The following RAD51D variants were observed in gnomAD, a reference collection of about 807,000 sequenced individuals.
RAD51D encodes DNA repair protein RAD51 homolog 4.
Under a neutral mutation model 44.1 loss-of-function variants are expected in RAD51D, and 38 were observed. That is an observed-to-expected ratio of 0.86 (90% CI 0.67 to 1.13). The LOEUF is 1.13. RAD51D is among the 50% of genes most tolerant of loss of function. The pLI is 0.00. For synonymous variants in RAD51D, 141 were observed against 166.6 expected, an observed-to-expected ratio of 0.85 and a Z score of 1.18; for missense variants, 390 against 414.0, an observed-to-expected ratio of 0.94 and a Z score of 0.50.
rs903444610 is a variant in RAD51D at position 35,098,643 on chromosome 17, T to C, written c.*2310A>G. ...CTGGTCTGGAACTCCTGACCTTAGGTGATCCACCCACCTCAGCCTCCCAAA... is the reference window on the plus strand; with the variant it reads ...CTGGTCTGGAACTCCTGACCTTAGGCGATCCACCCACCTCAGCCTCCCAAA... On this transcript the variant is annotated 3_prime_UTR_variant, in exon 10 of 10. Transcript: ENST00000345365. 6.6e-6 allele frequency: 1 copy of C among 152,126 alleles called. No homozygotes were observed. The highest frequency in any genetic ancestry group is 1.5e-5 in the Non-Finnish European group (1 of 68,030). The allele number at this position is 152,126 out of a possible 1,614,324, so 9.4% of individuals were successfully genotyped here.
intron 3 of RAD51D, among the ~76,000 whole-genome samples, chr17:35,113,155 G>A (rs1215534584): frequency 6.6e-6 from 1 of 152,124 alleles, no homozygotes; most frequent in South Asian, 2.1e-4. Context: ...GATCACATGC[G>A]TACCTTTCCT....
chr17:35,114,073 C>T (rs978042400), intron 3 of RAD51D, among the ~76,000 whole-genome samples: 1 of 152,030 alleles, frequency 6.6e-6, no homozygotes, highest in Non-Finnish European at 1.5e-5. Flanking sequence ...GAGATCGAGA[C>T]CATCCCGGCT....
At position 35,092,842 on chromosome 17, in the gene RAD51D, C is replaced by T. The variant is rs144763869; in HGVS notation, c.*8111G>A. 1.3e-5 allele frequency: 2 copies of T among 152,160 alleles called. No homozygotes were observed. The highest frequency in any genetic ancestry group is 2.9e-5 in the Non-Finnish European group (2 of 68,034). 9.4% of individuals were successfully genotyped at this position (152,160 alleles called of 1,614,324 possible). A position where few individuals can be genotyped will look rare whatever the true frequency, so the allele number is the denominator to read the frequency against. ...GAGGTTACTCTTCAAGGGATTTACT[C>T]CCTAAGAAATCAATGGAAGGATGTT... On this transcript the variant is annotated 3_prime_UTR_variant, in exon 10 of 10. Transcript: ENST00000345365.
At position 35,115,402 on chromosome 17, in the gene RAD51D, C is replaced by A. The variant is rs2091724857; in HGVS notation, c.263+3099G>T. ...AGCTTTTCCCAAAGTACGTTACATG[C>A]TATAACACCCTGTAAGGAATCATTG... On this transcript the variant is annotated intron_variant, in intron 3 of 9. Transcript: ENST00000345365. 9.0e-6 allele frequency: 4 copies of A among 444,640 alleles called. No individual in the cohort carries two copies. The Admixed American group carries it at 9.6e-5, about 11-fold the overall frequency. The allele number at this position is 444,640 out of a possible 1,614,324, so 27.5% of individuals were successfully genotyped here. A position where few individuals can be genotyped will look rare whatever the true frequency, so the allele number is the denominator to read the frequency against.
rs2091518679 is a variant in RAD51D at position 35,100,248 on chromosome 17, T to C, written c.*705A>G. Reference sequence around the variant, plus strand: ...GGAACTGCAGCGAGCCCACACGTTCTCACCTAGTCATGGTGATGCAGGCAG... The same window carrying C: ...GGAACTGCAGCGAGCCCACACGTTCCCACCTAGTCATGGTGATGCAGGCAG... On this transcript the variant is annotated 3_prime_UTR_variant, in exon 10 of 10. Coordinates refer to ENST00000345365, the MANE Select transcript of RAD51D (RefSeq NM_002878.4). 1 of 533,302 alleles carries C rather than the reference T, an allele frequency of 1.9e-6. No individual in the cohort carries two copies. The highest frequency in any genetic ancestry group is 1.5e-5 in the South Asian group (1 of 65,168). 33.0% of individuals were successfully genotyped at this position (533,302 alleles called of 1,614,324 possible). A position where few individuals can be genotyped will look rare whatever the true frequency, so the allele number is the denominator to read the frequency against.
At position 35,119,610 on chromosome 17, in the gene RAD51D, C is replaced by A. The variant is rs372082751; in HGVS notation, c.4G>T (p.Gly2Cys). The A allele has an allele frequency of 6.2e-7, 1 of 1,611,252 alleles. No individual in the cohort carries two copies. The highest frequency in any genetic ancestry group is 8.5e-7 in the Non-Finnish European group (1 of 1,179,952). Residue 2 changes from glycine to cysteine, a missense_variant, in exon 1 of 10, where the codon GGC becomes TGC. Gly to Cys is a radical substitution (Grantham distance 159, BLOSUM62 -3). Transcript: ENST00000345365. ...GGGCACAGTCCGACCCTGAGCACGCCCATGTTCCCCGCAGGCCGGAACAGC... is the reference window on the plus strand; with the variant it reads ...GGGCACAGTCCGACCCTGAGCACGCACATGTTCCCCGCAGGCCGGAACAGC... M[G>C]VLRVGLCPGL...
intron 3 of RAD51D, among the ~76,000 whole-genome samples, chr17:35,110,953 A>G (rs1287119933): frequency 1.3e-5 from 2 of 152,106 alleles, no homozygotes; most frequent in East Asian, 3.9e-4. Flanking sequence ...TAAAAATACA[A>G]GATTAGCTGG....
At chr17:35,118,339 C>T (rs947780553) in intron 3 of RAD51D, among the ~76,000 whole-genome samples, 162 bp downstream of exon 3, 2 of 152,102 alleles carry the variant, frequency 1.3e-5, no homozygotes, top group Non-Finnish European at 2.9e-5. Context: ...CCCCATAACC[C>T]TGTTATAGGA....
chr17:35,115,159 C>T (rs547882848), intron 3 of RAD51D: 6 of 434,344 alleles, frequency 1.4e-5, no homozygotes, highest in Admixed American at 4.9e-5. Context: ...AGCAGAAGTA[C>T]ACCTGGGTTT....
intron 3 of RAD51D, chr17:35,113,608 C>T (rs768764796): frequency 4.6e-6 from 2 of 431,726 alleles, no homozygotes; most frequent in Admixed American, 2.6e-5. Context: ...ATGATTATAC[C>T]CACAGGTTCC....
chr17:35,116,832 T>C, intron 3 of RAD51D: 1 of 1,466,978 alleles, frequency 6.8e-7, no homozygotes, highest in Non-Finnish European at 9.3e-7. Flanking sequence ...TCATTGGTGG[T>C]TGTGACGAAT....
At chr17:35,111,294 C>T (rs966405348) in intron 3 of RAD51D, among the ~76,000 whole-genome samples, 4 of 148,938 alleles carry the variant, frequency 2.7e-5, no homozygotes, top group Non-Finnish European at 4.4e-5. Flanking sequence ...GCGGAGGTTG[C>T]GGTGAGCCGA....
rs888589607 is a variant in RAD51D at position 35,097,610 on chromosome 17, T to C, written c.*3343A>G. 3.3e-5 allele frequency: 5 copies of C among 151,796 alleles called. No homozygotes were observed. Among genetic ancestry groups the C allele is most frequent in the East Asian group, 1.9e-4 (1 of 5,192 alleles). 9.4% of individuals were successfully genotyped at this position (151,796 alleles called of 1,614,324 possible). On this transcript the variant is annotated 3_prime_UTR_variant, in exon 10 of 10. Transcript: ENST00000345365. ...TCTCAAACCACCCCCGCAGGGGAAA[T>C]TGAAAGTTGACGCTTTATGGAAGGA...
In RAD51D at chr17:35,093,551, A is replaced by G. The variant is rs919061877; in HGVS notation, c.*7402T>C. ...AGGACCTGGCAGAGAGAACTCCATCATTCATGGCAAATGTCATGGCCAATA... is the reference window on the plus strand; with the variant it reads ...AGGACCTGGCAGAGAGAACTCCATCGTTCATGGCAAATGTCATGGCCAATA... On this transcript the variant is annotated 3_prime_UTR_variant, in exon 10 of 10. Coordinates refer to ENST00000345365, the MANE Select transcript of RAD51D (RefSeq NM_002878.4). The G allele has an allele frequency of 2.6e-5, 4 of 152,242 alleles. No homozygotes were observed. Among genetic ancestry groups the G allele is most frequent in the African/African-American group, 9.6e-5 (4 of 41,452 alleles). 9.4% of individuals were successfully genotyped at this position (152,242 alleles called of 1,614,324 possible).
intron 3 of RAD51D, among the ~76,000 whole-genome samples, chr17:35,108,497 TAAAAAAAA>T (rs900458144): frequency 1.3e-5 from 1 of 78,406 alleles, no homozygotes; most frequent in African/African-American, 4.8e-5. Flanking sequence ...CTTTTCTCTT[TAAAAAAAA>T]AAAAAAAAAA....
At chr17:35,110,330 T>A (rs2091660034) in intron 3 of RAD51D, among the ~76,000 whole-genome samples, 1 of 152,212 alleles carries the variant, frequency 6.6e-6, no homozygotes, top group Admixed American at 6.5e-5. Flanking sequence ...CTTTCTTCAT[T>A]CTAGATACAA....
intron 3 of RAD51D, among the ~76,000 whole-genome samples, chr17:35,115,923 G>GGAAA (rs1555569846): frequency 2.9e-5 from 3 of 103,230 alleles, no homozygotes; most frequent in Admixed American, 1.1e-4. Flanking sequence ...AAGGAAGGAA[G>GGAAA]GAAGGAAGGA....
At position 35,099,577 on chromosome 17, in the gene RAD51D, A is replaced by G; in HGVS notation, c.*1376T>C. 1 of 345,248 alleles carries G rather than the reference A, an allele frequency of 2.9e-6. No homozygotes were observed. The highest frequency in any genetic ancestry group is 5.7e-6 in the Non-Finnish European group (1 of 176,146). The allele number at this position is 345,248 out of a possible 1,614,324, so 21.4% of individuals were successfully genotyped here. On this transcript the variant is annotated 3_prime_UTR_variant, in exon 10 of 10. Transcript: ENST00000345365. ...CTTAGGCTTACCAACCCTGTCCTGAATCCAACACCCTGGTGCCAGTTTGCC... is the reference window on the plus strand; with the variant it reads ...CTTAGGCTTACCAACCCTGTCCTGAGTCCAACACCCTGGTGCCAGTTTGCC...
rs1420130281 is a variant in RAD51D, at chr17:35,104,663, C to T, written c.577-1119G>A. The stretch of plus-strand genomic sequence containing the variant: ...CCTCCCAAAATGCCAGGATTACAGG[C>T]ATGAGCCACCAAGCCTAGCCTGTGC... On this transcript the variant is annotated intron_variant, in intron 6 of 9. Transcript: ENST00000345365. Among the ~76,000 whole-genome samples, 14 of 152,332 alleles carry T rather than the reference C, an allele frequency of 9.2e-5. No homozygotes were observed. In the East Asian group the frequency reaches 2.7e-3, roughly 29 times the overall value.
Sources: gnomAD v4.1 joint callset for allele counts (sites outside exome capture counted in the v4.1 genomes callset) on GRCh38, gnomAD v4.1.1 for gene constraint, MANE v1.5 for transcripts, NCBI Gene and HGNC (gene_info 2026-07-23, HGNC 2026-07-21) for gene names.